DNAH11: variants seen among roughly 807,000 people sequenced by gnomAD.
DNAH11 encodes the protein dynein axonemal heavy chain 11.
Under a neutral mutation model 526.0 loss-of-function variants are expected in DNAH11, and 442 were observed. The observed-to-expected ratio is 0.84, with a 90% CI of 0.78 to 0.91. The LOEUF (loss-of-function observed/expected upper bound fraction) is 0.91. DNAH11 is among the 40% of genes least tolerant of loss of function. DNAH11 has a pLI of 0.00. For synonymous variants in DNAH11, 2,461 were observed against 1,935.9 expected, an observed-to-expected ratio of 1.27 and a Z score of -7.12; for missense variants, 6,989 against 5,448.7, an observed-to-expected ratio of 1.28 and a Z score of -8.90.
chr7:21,798,326 C>T (rs183412635), intron 61 of DNAH11, among the ~76,000 whole-genome samples: 1 of 152,196 alleles, frequency 6.6e-6, no homozygotes, highest in South Asian at 2.1e-4. Flanking sequence ...GAAGTCCTGA[C>T]CTCAGGTGAT....
rs528412482 is a variant in DNAH11, at chr7:21,887,943, C to G, written c.12507+3533C>G. On this transcript the variant is annotated intron_variant, in intron 76 of 81. Transcript: ENST00000409508. ...TGGTCTTTCTCTGCACCATACTGCC[C>G]TGGCTGGAGTGCTGAGCTGTTTGCA... Among the ~76,000 whole-genome samples the G allele has an allele frequency of 6.6e-5, 10 of 152,264 alleles. No homozygotes were observed. In the East Asian group the frequency reaches 1.5e-3, roughly 23 times the overall value.
intron 63 of DNAH11, among the ~76,000 whole-genome samples, chr7:21,815,360 G>T (rs1275148999): frequency 1.3e-5 from 2 of 152,140 alleles, no homozygotes; most frequent in Non-Finnish European, 2.9e-5. Flanking sequence ...ATCAAGACTT[G>T]TTCAATATCA....
At chr7:21,899,257 A>G in intron 79 of DNAH11, 79 bp from the exon 80 acceptor site, 1 of 1,157,188 alleles carries the variant, frequency 8.6e-7, no homozygotes, top group African/African-American at 1.5e-5. Context: ...ACCCTGCCCT[A>G]ACCGCCCACA....
intron 70 of DNAH11, among the ~76,000 whole-genome samples, 180 bp from the exon 71 acceptor site, chr7:21,866,290 G>A (rs1223366933): frequency 6.8e-6 from 1 of 147,576 alleles, no homozygotes; most frequent in Middle Eastern, 3.2e-3. Context: ...CTCAGCTCAA[G>A]TGTCCTTTGA....
rs905726519 is a variant in DNAH11, at chr7:21,880,643, C to A, written c.12196-59C>A. On this transcript the variant is annotated intron_variant, in intron 74 of 81. Transcript: ENST00000409508. Reference sequence around the variant, plus strand: ...TTTACAAGATTATTGAAAACGCAGACCCTTGCTCTTGGAAACCATACAGAT... The same window carrying A: ...TTTACAAGATTATTGAAAACGCAGAACCTTGCTCTTGGAAACCATACAGAT... The A allele has an allele frequency of 5.1e-6, 8 of 1,583,484 alleles. 1 individual carries two copies. The highest frequency in any genetic ancestry group is 6.9e-6 in the Non-Finnish European group (8 of 1,156,954).
At position 21,725,972 on chromosome 7, in the gene DNAH11, T is replaced by C. The variant is rs1179297116; in HGVS notation, c.7428T>C (p.Asp2476=). 1 of 1,552,524 alleles carries C rather than the reference T, an allele frequency of 6.4e-7. No homozygotes were observed. Among genetic ancestry groups the C allele is most frequent in the African/African-American group, 1.4e-5 (1 of 73,140 alleles). The part of the protein sequence containing the change: ...DKIAQFTMDP[D]VPLQTVLVHT... ...TTGCCCAGTTTACTATGGATCCAGA[T>C]GTGCCTCTGCAGGTAGGTGTGTGGA... The change falls in exon 45 of 82, where the codon GAT becomes GAC. Residue 2476 remains aspartate (D), a synonymous_variant. Coordinates refer to ENST00000409508, the MANE Select transcript of DNAH11 (RefSeq NM_001277115.2).
At chr7:21,727,102 G>A (rs537527251) in intron 45 of DNAH11, among the ~76,000 whole-genome samples, 1 of 150,416 alleles carries the variant, frequency 6.6e-6, no homozygotes, top group African/African-American at 2.4e-5. Flanking sequence ...CCCGGCTAAT[G>A]TTTTGTATTT....
Position 21,868,942 on chromosome 7 carries a change from A to C in DNAH11, c.11918A>C (p.Glu3973Ala), listed in dbSNP as rs1562594327. The change falls in exon 73 of 82, where the codon GAA (glutamate) becomes GCA (alanine). Residue 3973 changes from glutamate (E) to alanine (A), a missense_variant. Coordinates refer to ENST00000409508, the MANE Select transcript of DNAH11 (RefSeq NM_001277115.2). ...SLGQGQETVAEVALEKASKGG... is the reference protein window; with the variant it reads ...SLGQGQETVAAVALEKASKGG... Reference sequence around the variant, plus strand: ...GGACAAGGTCAGGAGACGGTGGCAGAAGTGGCCCTGGAGAAAGCTTCCAAA... The same window carrying C: ...GGACAAGGTCAGGAGACGGTGGCAGCAGTGGCCCTGGAGAAAGCTTCCAAA... The C allele has an allele frequency of 6.2e-7, 1 of 1,613,976 alleles. No individual in the cohort carries two copies. The highest frequency in any genetic ancestry group is 2.2e-5 in the East Asian group (1 of 44,886).
intron 68 of DNAH11, 55 bp from the exon 69 acceptor site, chr7:21,861,798 G>T: frequency 6.3e-7 from 1 of 1,598,146 alleles, no homozygotes; most frequent in South Asian, 1.1e-5. Context: ...ATCGGGGGTA[G>T]CTAGACATCC....
chr7:21,643,008 C>A (rs1787193703), intron 28 of DNAH11, among the ~76,000 whole-genome samples: 1 of 152,110 alleles, frequency 6.6e-6, no homozygotes, highest in Non-Finnish European at 1.5e-5. Context: ...TATCGATTAA[C>A]TAAAGGATGA....
chr7:21,562,601 T>C (rs1189319907), intron 5 of DNAH11, among the ~76,000 whole-genome samples: 1 of 152,148 alleles, frequency 6.6e-6, no homozygotes. Flanking sequence ...CTCAAACTCA[T>C]GGTCAAGTTG....
At chr7:21,862,745 C>G (rs974739770) in intron 69 of DNAH11, among the ~76,000 whole-genome samples, 1 of 152,038 alleles carries the variant, frequency 6.6e-6, no homozygotes, top group African/African-American at 2.4e-5. Flanking sequence ...CTTTTTATTC[C>G]TTTTTCACAT....
In DNAH11 at chr7:21,806,311, G is replaced by T. The variant is rs534970032; in HGVS notation, c.10166-1572G>T. Among the ~76,000 whole-genome samples, 4 of 152,342 alleles carry T rather than the reference G, an allele frequency of 2.6e-5. No homozygotes were observed. In the East Asian group the frequency reaches 7.7e-4, roughly 29 times the overall value. The stretch of plus-strand genomic sequence containing the variant: ...TTACAAACCAAAAACAACAAAGATA[G>T]AGGGTAGGTGAATGAGAGATTCCTC... On this transcript the variant is annotated intron_variant, in intron 62 of 81. Transcript: ENST00000409508.
intron 30 of DNAH11, among the ~76,000 whole-genome samples, chr7:21,671,777 G>A (rs1282484080): frequency 6.6e-6 from 1 of 151,960 alleles, no homozygotes; most frequent in Non-Finnish European, 1.5e-5. Context: ...TCTAATATAA[G>A]CATTTAAAGG....
intron 61 of DNAH11, among the ~76,000 whole-genome samples, chr7:21,799,780 T>C (rs895627942): frequency 1.3e-5 from 2 of 152,240 alleles, no homozygotes; most frequent in Non-Finnish European, 2.9e-5. Flanking sequence ...TATAAAGTAA[T>C]GGTGAAATAA....
rs1787810012 is a variant in DNAH11 at position 21,778,990 on chromosome 7, A to G, written c.9369A>G (p.Gln3123=). The G allele has an allele frequency of 6.2e-7, 1 of 1,613,334 alleles. No homozygotes were observed. Among genetic ancestry groups the G allele is most frequent in the Non-Finnish European group, 8.5e-7 (1 of 1,179,536 alleles). Residue 3123 remains glutamine (Q), a synonymous_variant, in exon 57 of 82, where the codon CAA becomes CAG. Transcript: ENST00000409508. The part of the protein sequence containing the change: ...VGDLKARLAS[Q]EAELQLRNHD... ...ATCTAAAAGCCAGACTTGCCTCTCAAGAAGCCGAGCTGCAACTGAGAAATC... is the reference window on the plus strand; with the variant it reads ...ATCTAAAAGCCAGACTTGCCTCTCAGGAAGCCGAGCTGCAACTGAGAAATC...
intron 66 of DNAH11, among the ~76,000 whole-genome samples, chr7:21,850,608 CTTTTTTTTTTTTTTTTTTT>C (rs3062635): frequency 1.6e-5 from 1 of 62,658 alleles, no homozygotes; most frequent in Non-Finnish European, 2.9e-5. Context: ...CTGTCTTCTT[CTTTTTTTTTTTTTTTTTTT>C]TTTTGCCTCT....
intron 48 of DNAH11, among the ~76,000 whole-genome samples, chr7:21,740,571 C>T (rs1435092661): frequency 7.9e-5 from 12 of 152,088 alleles, no homozygotes; most frequent in African/African-American, 2.2e-4. Flanking sequence ...TATGTAAGAC[C>T]GAGTCATATT....
chr7:21,586,553 T>C (rs932489159), intron 9 of DNAH11, among the ~76,000 whole-genome samples: 23 of 152,352 alleles, frequency 1.5e-4, no homozygotes, highest in Admixed American at 1.1e-3. Context: ...CTATAATTTT[T>C]TCATGGTAAT....
Sources: gnomAD v4.1 joint callset for allele counts (sites outside exome capture counted in the v4.1 genomes callset) on GRCh38, gnomAD v4.1.1 for gene constraint, MANE v1.5 for transcripts, NCBI Gene and HGNC (gene_info 2026-07-23, HGNC 2026-07-21) for gene names.